DIAPH3: variants seen among roughly 807,000 people sequenced by gnomAD.
The protein encoded by DIAPH3 is protein diaphanous homolog 3.
DIAPH3 carries 117 observed loss-of-function variants against 144.3 expected under a neutral mutation model. The observed-to-expected ratio is 0.81, with a 90% CI of 0.70 to 0.95. DIAPH3 has a LOEUF of 0.95. DIAPH3 is among the 40% of genes least tolerant of loss of function. The probability of loss-of-function intolerance (pLI) is 0.00; values close to 1 mark genes in which losing one functional copy is unlikely to be tolerated. For missense variants in DIAPH3, 1,421 were observed against 1,412.7 expected (o/e 1.01, Z -0.09); for synonymous variants, 519 against 488.9 (o/e 1.06, Z -0.81).
chr13:59,737,625 G>T (rs9570199), intron 27 of DIAPH3, among the ~76,000 whole-genome samples: 112,447 of 152,072 alleles, frequency 0.74, 41,898 homozygotes, highest in East Asian at 0.88. Context: ...AAAGCTTGAT[G>T]TAAATCTTGA....
Position 59,879,414 on chromosome 13 carries a change from G to A in DIAPH3, c.2422C>T (p.Gln808Ter). The change falls in exon 21 of 28, where the codon CAG becomes TAG. Residue 808 changes from glutamine (Q) to a stop codon, truncating the protein, a stop_gained. Coordinates refer to ENST00000400324, the MANE Select transcript of DIAPH3 (RefSeq NM_001042517.2). LOFTEE classifies it high-confidence loss of function. ...PRLSAILFKL[Q>*]FEEQVNNIKP... ...ATGTTGTTCACCTGCTCTTCAAACTGAAGCTTAAAGAGAATAGCACTGAGC... is the reference window on the plus strand; with the variant it reads ...ATGTTGTTCACCTGCTCTTCAAACTAAAGCTTAAAGAGAATAGCACTGAGC... 2 of 1,613,848 alleles carry A rather than the reference G, an allele frequency of 1.2e-6. No individual in the cohort carries two copies. Among genetic ancestry groups the A allele is most frequent in the Admixed American group, 3.3e-5 (2 of 59,970 alleles).
At chr13:59,719,653 T>A (rs1340799728) in intron 27 of DIAPH3, among the ~76,000 whole-genome samples, 1 of 152,052 alleles carries the variant, frequency 6.6e-6, no homozygotes, top group Non-Finnish European at 1.5e-5. Context: ...TACCTCTCCT[T>A]CTTGGTGTTG....
chr13:60,099,543 T>C (rs1026945422), intron 3 of DIAPH3, among the ~76,000 whole-genome samples: 1 of 152,090 alleles, frequency 6.6e-6, no homozygotes, highest in African/African-American at 2.4e-5. Flanking sequence ...AAACTGCATA[T>C]AGCTAGCCCA....
chr13:59,844,504 A>C (rs187630920), intron 22 of DIAPH3, among the ~76,000 whole-genome samples: 3,030 of 28,442 alleles, frequency 0.11, 101 homozygotes, highest in East Asian at 0.32. Context: ...ACTCCATCCC[A>C]AAAAAAAAAA....
intron 1 of DIAPH3, among the ~76,000 whole-genome samples, chr13:60,136,702 G>C (rs1594757165): frequency 1.3e-5 from 2 of 151,952 alleles, no homozygotes; most frequent in Admixed American, 6.6e-5. Flanking sequence ...TTGGGAGGCA[G>C]AGGCGGGCGG....
At position 60,138,639 on chromosome 13, in the gene DIAPH3, C is replaced by T. The variant is rs930388010; in HGVS notation, c.181-5650G>A. Among the ~76,000 whole-genome samples the T allele has an allele frequency of 2.6e-5, 4 of 152,190 alleles. No homozygotes were observed. The South Asian group carries it at 8.3e-4, about 31-fold the overall frequency. On this transcript the variant is annotated intron_variant, in intron 1 of 27. Transcript: ENST00000400324. ...TGCTTAGTCTAAGGTACAAATCATT[C>T]AGTCTCATAAACATAAACTTAGTAC...
rs570442531 is a variant in DIAPH3 at position 59,706,966 on chromosome 13, G to A, written c.3320-40120C>T. 5.9e-5 allele frequency among the ~76,000 whole-genome samples: 9 copies of A among 152,172 alleles called. No individual in the cohort carries two copies. In the East Asian group the frequency reaches 1.7e-3, roughly 29 times the overall value. ...ATTTTCCATGGGAATAGTTTGATTG[G>A]GTAGAATTGACACATGCATATAAAT... On this transcript the variant is annotated intron_variant, in intron 27 of 27. Transcript: ENST00000400324.
At chr13:59,697,002 T>C (rs901637624) in intron 27 of DIAPH3, among the ~76,000 whole-genome samples, 1 of 152,146 alleles carries the variant, frequency 6.6e-6, no homozygotes, top group Non-Finnish European at 1.5e-5. Flanking sequence ...ATCATTTAAC[T>C]TGAGTAGGAA....
At chr13:60,109,579 C>G (rs2058512431) in intron 3 of DIAPH3, among the ~76,000 whole-genome samples, 4 of 152,128 alleles carry the variant, frequency 2.6e-5, no homozygotes, top group Non-Finnish European at 1.5e-5. Context: ...AAAGGAGCAG[C>G]TTTCTTTGGG....
chr13:60,001,324 T>C (rs2052519188), intron 9 of DIAPH3, among the ~76,000 whole-genome samples: 1 of 152,142 alleles, frequency 6.6e-6, no homozygotes, highest in Non-Finnish European at 1.5e-5. Flanking sequence ...CTCCTGCATC[T>C]CCCATGCAAA....
At chr13:59,777,747 A>G (rs2038499291) in intron 25 of DIAPH3, among the ~76,000 whole-genome samples, 2 of 152,174 alleles carry the variant, frequency 1.3e-5, no homozygotes, top group Non-Finnish European at 2.9e-5. Flanking sequence ...TCTGTGACAC[A>G]ACTGGCCTAG....
chr13:59,902,424 C>T (rs2140183744), intron 20 of DIAPH3, among the ~76,000 whole-genome samples: 1 of 152,292 alleles, frequency 6.6e-6, no homozygotes, highest in South Asian at 2.1e-4. Context: ...TTCCCAGAGG[C>T]TGATGTTGCC....
intron 21 of DIAPH3, among the ~76,000 whole-genome samples, chr13:59,869,573 T>C (rs1373260056): frequency 6.6e-6 from 1 of 152,198 alleles, no homozygotes; most frequent in Non-Finnish European, 1.5e-5. Context: ...TTGTTTCGAC[T>C]TTTTGTTGTT....
chr13:59,887,132 T>C (rs1471515599), intron 20 of DIAPH3, among the ~76,000 whole-genome samples: 2 of 152,082 alleles, frequency 1.3e-5, no homozygotes, highest in Non-Finnish European at 2.9e-5. Flanking sequence ...ATGCGTCTTA[T>C]TTCGCATGTA....
intron 18 of DIAPH3, among the ~76,000 whole-genome samples, chr13:59,922,594 A>T (rs2047572503): frequency 6.6e-6 from 1 of 152,052 alleles, no homozygotes; most frequent in Non-Finnish European, 1.5e-5. Context: ...CAGACTCTCA[A>T]AACTCTAAAT....
At chr13:59,789,934 C>T (rs909055501) in intron 25 of DIAPH3, among the ~76,000 whole-genome samples, 9 of 152,064 alleles carry the variant, frequency 5.9e-5, no homozygotes, top group African/African-American at 1.9e-4. Flanking sequence ...ATGTGGAACA[C>T]GACAAGTTAG....
At chr13:59,754,966 C>A (rs1285335590) in intron 27 of DIAPH3, among the ~76,000 whole-genome samples, 4 of 152,182 alleles carry the variant, frequency 2.6e-5, no homozygotes, top group Admixed American at 2.6e-4. Flanking sequence ...AAAGGTTACA[C>A]AGCTAGTAAA....
At chr13:59,902,419 A>G (rs958347089) in intron 20 of DIAPH3, among the ~76,000 whole-genome samples, 33 of 152,168 alleles carry the variant, frequency 2.2e-4, no homozygotes, top group Admixed American at 1.6e-3. Flanking sequence ...AGGCTTTCCC[A>G]GAGGCTGATG....
intron 1 of DIAPH3, among the ~76,000 whole-genome samples, chr13:60,144,426 C>T (rs1951412335): frequency 6.6e-6 from 1 of 152,212 alleles, no homozygotes; most frequent in East Asian, 1.9e-4. Flanking sequence ...AAGGTAGACA[C>T]CTGTGGGTGT....
Sources: gnomAD v4.1 joint callset for allele counts (sites outside exome capture counted in the v4.1 genomes callset) on GRCh38, gnomAD v4.1.1 for gene constraint, MANE v1.5 for transcripts, NCBI Gene and HGNC (gene_info 2026-07-23, HGNC 2026-07-21) for gene names.